Variants in ZNF594 observed in about 807,000 individuals in gnomAD.
ZNF594 encodes the protein zinc finger protein 594, also known as zinc finger protein HZF18.
For missense variants in ZNF594, 1,037 were observed against 964.6 expected (o/e 1.08, Z -0.99); for synonymous variants, 336 against 309.4 (o/e 1.09, Z -0.90).
chr17:5,174,140 C>A, the ZNF594 span: 1 of 198,452 alleles, frequency 5.0e-6, no homozygotes. Context: ...TTAAATTTTA[C>A]AGTAGTCATT....
In ZNF594 at chr17:5,182,738, G is replaced by C. The variant is rs750417446; in HGVS notation, c.1519C>G (p.Arg507Gly). ...FRRRSLLIQH[R>G]RIHSGEKPYE... ...GGTTTCTCACCACTATGAATTCTCC[G>C]ATGTTGAATAAGGAGTGAACGCCGC... The change falls in exon 2 of 2, where the codon CGG (arginine) becomes GGG (glycine). Residue 507 changes from arginine to glycine, a missense_variant. Transcript: ENST00000575779. The C allele has an allele frequency of 1.2e-6, 2 of 1,613,940 alleles. No homozygotes were observed. Among genetic ancestry groups the C allele is most frequent in the South Asian group, 1.1e-5 (1 of 91,058 alleles).
intron 1 of ZNF594, 142 bp from the exon 2 acceptor site, chr17:5,184,418 A>T (rs1352061031): frequency 7.0e-6 from 6 of 858,940 alleles, no homozygotes; most frequent in Admixed American, 6.0e-5. Context: ...CACTAGCGAC[A>T]CTGTGGCTAA....
intron 1 of ZNF594, among the ~76,000 whole-genome samples, chr17:5,188,221 T>C (rs970824798): frequency 6.7e-6 from 1 of 150,118 alleles, no homozygotes; most frequent in Non-Finnish European, 1.5e-5. Context: ...GAGTTCAAAA[T>C]TCAGGAGCAG....
At position 5,184,140 on chromosome 17, in the gene ZNF594, A is replaced by C; in HGVS notation, c.117T>G (p.Asn39Lys). 6.2e-7 allele frequency: 1 copy of C among 1,614,212 alleles called. No individual in the cohort carries two copies. Among genetic ancestry groups the C allele is most frequent in the Non-Finnish European group, 8.5e-7 (1 of 1,180,048 alleles). ...AGTGCTTCAATAATCTGTCCTCAGA[A>C]TTACTGGTTTCAACTAACTCACATT... ...TQECELVETS[N>K]SEDRLLKHWV... The change falls in exon 2 of 2, where the codon AAT (asparagine) becomes AAG (lysine). Residue 39 changes from asparagine (N) to lysine (K), a missense_variant. Asn to Lys is a moderately conservative substitution (Grantham distance 94, BLOSUM62 0). Coordinates refer to ENST00000575779, the MANE Select transcript of ZNF594 (RefSeq NM_032530.2).
chr17:5,186,059 T>C (rs907543891), intron 1 of ZNF594, among the ~76,000 whole-genome samples: 1 of 152,184 alleles, frequency 6.6e-6, no homozygotes, highest in Non-Finnish European at 1.5e-5. Flanking sequence ...TGGAGGTCAT[T>C]GGCCCTCTTC....
Position 5,182,971 on chromosome 17 carries a change from T to C in ZNF594, c.1286A>G (p.Glu429Gly), listed in dbSNP as rs2074357289. 4 of 1,614,106 alleles carry C rather than the reference T, an allele frequency of 2.5e-6. No individual in the cohort carries two copies. The East Asian group carries it at 8.9e-5, about 36-fold the overall frequency. ...LLRHHRIHSG[E>G]KPCVCSKCGK... The stretch of plus-strand genomic sequence containing the variant: ...ACATTTGCTACATACACAAGGTTTT[T>C]CTCCACTGTGAATTCTATGATGTCT... Residue 429 changes from glutamate (E) to glycine (G), a missense_variant, in exon 2 of 2, where the codon GAA (glutamate) becomes GGA (glycine). Transcript: ENST00000575779.
rs1316869025 is a variant in ZNF594, at chr17:5,182,879, A to G, written c.1378T>C (p.Tyr460His). ...GCTTTCCCACATTCACTACATTCAT[A>G]GGGTTTCTCTCCAGTATGAACACGA... Reference protein sequence around the residue: ...HHRVHTGEKPYECSECGKAFS... With the variant: ...HHRVHTGEKPHECSECGKAFS... Residue 460 changes from tyrosine to histidine, a missense_variant, in exon 2 of 2, where the codon TAT becomes CAT. Physicochemically the swap from Tyr to His is moderately conservative, Grantham distance 83. Transcript: ENST00000575779. 1 of 1,614,042 alleles carries G rather than the reference A, an allele frequency of 6.2e-7. No homozygotes were observed. The highest frequency in any genetic ancestry group is 2.2e-5 in the East Asian group (1 of 44,872).
At position 5,181,569 on chromosome 17, in the gene ZNF594, C is replaced by A. The variant is rs758033258; in HGVS notation, c.*264G>T. 3 of 1,613,474 alleles carry A rather than the reference C, an allele frequency of 1.9e-6. No individual in the cohort carries two copies. Among genetic ancestry groups the A allele is most frequent in the Admixed American group, 3.3e-5 (2 of 59,980 alleles). ...TTCCTTACATTCATAGGGTTTCTCACCACTATGAATTCTCCGACGTTGAAT... is the reference window on the plus strand; with the variant it reads ...TTCCTTACATTCATAGGGTTTCTCAACACTATGAATTCTCCGACGTTGAAT... On this transcript the variant is annotated 3_prime_UTR_variant, in exon 2 of 2. Transcript: ENST00000575779.
At chr17:5,185,364 A>T (rs2074379495) in intron 1 of ZNF594, among the ~76,000 whole-genome samples, 1 of 152,244 alleles carries the variant, frequency 6.6e-6, no homozygotes, top group Non-Finnish European at 1.5e-5. Flanking sequence ...TAAAATCATC[A>T]GATCTCATGA....
chr17:5,190,751 G>A (rs999069691), intron 1 of ZNF594, among the ~76,000 whole-genome samples: 1 of 152,000 alleles, frequency 6.6e-6, no homozygotes, highest in Admixed American at 6.6e-5. Flanking sequence ...AGAGAGAGCC[G>A]GACAGACTCC....
downstream of ZNF594, among the ~76,000 whole-genome samples, chr17:5,175,321 A>G (rs920991362): frequency 1.8e-4 from 27 of 152,196 alleles, no homozygotes; most frequent in African/African-American, 6.5e-4. Flanking sequence ...TCACAGGAGA[A>G]AGAACCCTAT....
Position 5,183,528 on chromosome 17 carries a change from T to C in ZNF594, c.729A>G (p.Lys243=). Residue 243 remains lysine, a synonymous_variant, in exon 2 of 2, where the codon AAA becomes AAG. Transcript: ENST00000575779. ...TGCTTTGACTGAAAGCCTTCCCACA[T>C]TTATTGCATAAATATGGCTTCCCCC... ...HSRGKPYLCN[K]CGKAFSQSTD... is the part of the protein sequence containing the mutation. 1 of 1,614,166 alleles carries C rather than the reference T, an allele frequency of 6.2e-7. No homozygotes were observed. Among genetic ancestry groups the C allele is most frequent in the South Asian group, 1.1e-5 (1 of 91,086 alleles).
chr17:5,181,769 T>G lies in ZNF594; in HGVS notation c.*64A>C. On this transcript the variant is annotated 3_prime_UTR_variant, in exon 2 of 2. Coordinates refer to ENST00000575779, the MANE Select transcript of ZNF594 (RefSeq NM_032530.2). ...GAACACGATGGTGTTTAATAAGATC[T>G]GAGCTGCTCCTAAAAGATTCCCCAC... is the stretch of plus-strand genomic sequence containing the variant. 1.2e-6 allele frequency: 2 copies of G among 1,607,560 alleles called. No homozygotes were observed. The highest frequency in any genetic ancestry group is 1.7e-6 in the Non-Finnish European group (2 of 1,174,142).
At chr17:5,178,186 A>AC (rs11382823), downstream of ZNF594, among the ~76,000 whole-genome samples, 34 of 133,706 alleles carry the variant, frequency 2.5e-4, no homozygotes, top group Non-Finnish European at 4.5e-4. Flanking sequence ...TCTAAAAAAA[A>AC]CCATATCATA....
downstream of ZNF594, among the ~76,000 whole-genome samples, chr17:5,175,446 C>T (rs1014111276): frequency 1.3e-5 from 2 of 152,142 alleles, no homozygotes; most frequent in African/African-American, 4.8e-5. Context: ...CCCCCCAGTC[C>T]GTGGAAAAAT....
At position 5,181,886 on chromosome 17, in the gene ZNF594, A is replaced by C; in HGVS notation, c.2371T>G (p.Cys791Gly). ...GATTGAGTTTTCCCACATTCTTTACATTCATATGGTTTCTCTCTTGTATGA... is the reference window on the plus strand; with the variant it reads ...GATTGAGTTTTCCCACATTCTTTACCTTCATATGGTTTCTCTCTTGTATGA... ...VTHTREKPYE[C>G]KECGKTQSEL... The change falls in exon 2 of 2, where the codon TGT (cysteine) becomes GGT (glycine). Residue 791 changes from cysteine to glycine, a missense_variant. By Grantham distance (159) the Cys-to-Gly change is radical. Coordinates refer to ENST00000575779, the MANE Select transcript of ZNF594 (RefSeq NM_032530.2). 4 of 1,613,878 alleles carry C rather than the reference A, an allele frequency of 2.5e-6. No individual in the cohort carries two copies. The highest frequency in any genetic ancestry group is 3.4e-6 in the Non-Finnish European group (4 of 1,179,942).
In ZNF594 at chr17:5,183,124, C is replaced by A. The variant is rs763738891; in HGVS notation, c.1133G>T (p.Cys378Phe). The A allele has an allele frequency of 1.9e-6, 3 of 1,614,068 alleles. No individual in the cohort carries two copies. In the African/African-American group the frequency reaches 4.0e-5, roughly 22 times the overall value. ...RIHQEEKAYW[C>F]NQCGRNFQGT... ...CTGGAAATTCCTACCACACTGATTA[C>A]ACCAATAAGCTTTCTCTTCCTGGTG... is the stretch of plus-strand genomic sequence containing the variant. Residue 378 changes from cysteine (C) to phenylalanine (F), a missense_variant, in exon 2 of 2, where the codon TGT becomes TTT. By Grantham distance (205) the Cys-to-Phe change is radical. Coordinates refer to ENST00000575779, the MANE Select transcript of ZNF594 (RefSeq NM_032530.2).
rs201622721 is a variant in ZNF594 at position 5,183,308 on chromosome 17, G to T, written c.949C>A (p.His317Asn). 109 of 1,614,018 alleles carry T rather than the reference G, an allele frequency of 6.8e-5. No individual in the cohort carries two copies. In the African/African-American group the frequency reaches 1.2e-3, roughly 18 times the overall value. ...HSHLTEHQRLHSGEKPYECHR... is the reference protein window; with the variant it reads ...HSHLTEHQRLNSGEKPYECHR... ...CATTCATAGGGTTTCTCTCCACTGT[G>T]GAGTCTCTGGTGTTCAGTAAGGTGA... is the stretch of plus-strand genomic sequence containing the variant. The change falls in exon 2 of 2, where the codon CAC becomes AAC. Residue 317 changes from histidine to asparagine, a missense_variant. By Grantham distance (68) the His-to-Asn change is moderately conservative. Coordinates refer to ENST00000575779, the MANE Select transcript of ZNF594 (RefSeq NM_032530.2).
intron 1 of ZNF594, among the ~76,000 whole-genome samples, chr17:5,185,956 C>T (rs2074383252): frequency 6.6e-6 from 1 of 152,174 alleles, no homozygotes; most frequent in South Asian, 2.1e-4. Flanking sequence ...GGCACAGCCT[C>T]CCTCCTGGCT....
Sources: gnomAD v4.1 joint callset for allele counts (sites outside exome capture counted in the v4.1 genomes callset) on GRCh38, gnomAD v4.1.1 for gene constraint, MANE v1.5 for transcripts, NCBI Gene and HGNC (gene_info 2026-07-23, HGNC 2026-07-21) for gene names.